Variants in CNTNAP2 observed in about 807,000 individuals in gnomAD.
The protein encoded by CNTNAP2 is contactin-associated protein-like 2.
Under a neutral mutation model 155.2 loss-of-function variants are expected in CNTNAP2, and 98 were observed. The observed-to-expected ratio is 0.63, with a 90% CI of 0.54 to 0.75. The LOEUF (loss-of-function observed/expected upper bound fraction) is 0.75. Ranked by LOEUF, CNTNAP2 falls within the 30% of genes least tolerant of loss-of-function variation. CNTNAP2 has a pLI of 0.00. For synonymous variants in CNTNAP2, 651 were observed against 631.2 expected (o/e 1.03, Z -0.47); for missense variants, 1,727 against 1,688.1 (o/e 1.02, Z -0.40).
intron 21 of CNTNAP2, among the ~76,000 whole-genome samples, chr7:148,331,051 A>C (rs922610321): frequency 6.7e-6 from 1 of 149,040 alleles, no homozygotes; most frequent in South Asian, 2.2e-4. Flanking sequence ...GAATGGACGG[A>C]TGGGATGGAT....
intron 8 of CNTNAP2, among the ~76,000 whole-genome samples, chr7:147,245,530 T>C (rs1349173821): frequency 1.3e-5 from 2 of 152,002 alleles, no homozygotes; most frequent in Admixed American, 6.6e-5. Context: ...GATCTAGATC[T>C]CAAATAAAAT....
intron 1 of CNTNAP2, among the ~76,000 whole-genome samples, chr7:146,149,450 C>T (rs1798004620): frequency 1.3e-5 from 2 of 152,044 alleles, no homozygotes; most frequent in South Asian, 4.1e-4. Context: ...CAGAAAGAAT[C>T]ATTTTCTACC....
intron 3 of CNTNAP2, among the ~76,000 whole-genome samples, chr7:146,974,605 A>T (rs913407825): frequency 1.1e-4 from 17 of 152,190 alleles, no homozygotes; most frequent in Non-Finnish European, 2.5e-4. Flanking sequence ...TCCAAATTGG[A>T]AATTAGTAAT....
intron 3 of CNTNAP2, among the ~76,000 whole-genome samples, chr7:147,028,851 C>A (rs1347952150): frequency 2.0e-5 from 3 of 150,918 alleles, no homozygotes; most frequent in Non-Finnish European, 4.4e-5. Flanking sequence ...GAGAAAGTAG[C>A]GAGAACAGCA....
intron 1 of CNTNAP2, among the ~76,000 whole-genome samples, chr7:146,296,413 C>A (rs1049654368): frequency 1.3e-5 from 2 of 152,106 alleles, no homozygotes; most frequent in African/African-American, 4.8e-5. Flanking sequence ...AATGAAACCC[C>A]TTTCTTTGCT....
At chr7:147,097,036 A>G (rs1800549737) in intron 4 of CNTNAP2, among the ~76,000 whole-genome samples, 1 of 152,232 alleles carries the variant, frequency 6.6e-6, no homozygotes, top group Non-Finnish European at 1.5e-5. Flanking sequence ...AAAATTACAG[A>G]ATTGTTGTAA....
chr7:146,875,969 CAAAA>C (rs796880300), intron 3 of CNTNAP2, among the ~76,000 whole-genome samples: 5 of 82,044 alleles, frequency 6.1e-5, no homozygotes, highest in Non-Finnish European at 1.3e-4. Flanking sequence ...AAACAAAAAA[CAAAA>C]AAACGAGAAG....
At chr7:147,240,616 AGT>A (rs1306699098) in intron 8 of CNTNAP2, among the ~76,000 whole-genome samples, 1 of 151,900 alleles carries the variant, frequency 6.6e-6, no homozygotes, top group Non-Finnish European at 1.5e-5. Context: ...GAGTTCCCTC[AGT>A]GTGTCACCTT....
chr7:147,406,474 A>C (rs770127153), intron 10 of CNTNAP2, among the ~76,000 whole-genome samples: 2 of 152,156 alleles, frequency 1.3e-5, no homozygotes, highest in Non-Finnish European at 2.9e-5. Context: ...TGTTTGATTA[A>C]AAACACATAT....
chr7:146,347,478 T>A (rs1794836975), intron 1 of CNTNAP2, among the ~76,000 whole-genome samples: 1 of 152,180 alleles, frequency 6.6e-6, no homozygotes, highest in Non-Finnish European at 1.5e-5. Context: ...TACTGACTGG[T>A]CATACCCTCC....
At chr7:146,291,285 C>A (rs1800424550) in intron 1 of CNTNAP2, among the ~76,000 whole-genome samples, 1 of 152,032 alleles carries the variant, frequency 6.6e-6, no homozygotes, top group Non-Finnish European at 1.5e-5. Flanking sequence ...ATCTCATGGG[C>A]CAAATTCAGC....
At chr7:148,118,866 C>T (rs769337730) in intron 16 of CNTNAP2, among the ~76,000 whole-genome samples, 19 of 152,142 alleles carry the variant, frequency 1.2e-4, no homozygotes, top group Non-Finnish European at 2.1e-4. Context: ...CAATAAGAGG[C>T]AGAGCAAGAG....
intron 8 of CNTNAP2, among the ~76,000 whole-genome samples, chr7:147,237,296 C>T (rs1054428201): frequency 1.3e-5 from 2 of 152,092 alleles, no homozygotes; most frequent in Non-Finnish European, 2.9e-5. Context: ...TGGTCTGGAA[C>T]TCCTGACCTC....
intron 8 of CNTNAP2, among the ~76,000 whole-genome samples, chr7:147,192,622 GA>G (rs1018923896): frequency 1.6e-4 from 24 of 148,134 alleles, no homozygotes; most frequent in South Asian, 6.4e-4. Context: ...ATCTTAAAGA[GA>G]AAAAAAAAAT....
chr7:146,506,003 G>C (rs1797378986), intron 1 of CNTNAP2, among the ~76,000 whole-genome samples: 1 of 152,144 alleles, frequency 6.6e-6, no homozygotes, highest in Admixed American at 6.5e-5. Context: ...AGTAGTTTGT[G>C]GGTTATATGG....
At chr7:146,203,692 C>A (rs1798902282) in intron 1 of CNTNAP2, among the ~76,000 whole-genome samples, 2 of 152,200 alleles carry the variant, frequency 1.3e-5, no homozygotes, top group Middle Eastern at 3.4e-3. Context: ...AAAGTCCCAA[C>A]CCTCTAATCC....
intron 1 of CNTNAP2, among the ~76,000 whole-genome samples, chr7:146,200,386 C>T (rs533668658): frequency 2.0e-4 from 31 of 151,978 alleles, no homozygotes; most frequent in East Asian, 1.7e-3. Flanking sequence ...CTCAGCTGCT[C>T]GGGAGGCTGA....
rs1192709088 is a variant in CNTNAP2, at chr7:148,181,978, C to T, written c.3010+9500C>T. On this transcript the variant is annotated intron_variant, in intron 18 of 23. Transcript: ENST00000361727. ...TTCACCATGTTGGCCAGGATGGTCT[C>T]GATCTCCTGACCTCGTGATCCGCCC... 3.3e-5 allele frequency among the ~76,000 whole-genome samples: 5 copies of T among 151,192 alleles called. No individual in the cohort carries two copies. In the East Asian group the frequency reaches 7.9e-4, roughly 24 times the overall value.
intron 8 of CNTNAP2, among the ~76,000 whole-genome samples, chr7:147,296,388 A>G (rs968075257): frequency 6.6e-6 from 1 of 152,224 alleles, no homozygotes; most frequent in Non-Finnish European, 1.5e-5. Context: ...AGATGGAACT[A>G]TTTCAGTAAA....
Sources: allele counts gnomAD v4.1 joint callset (sites outside exome capture counted in the v4.1 genomes callset), GRCh38; gene constraint gnomAD v4.1.1; transcripts MANE v1.5; gene names NCBI Gene and HGNC (gene_info 2026-07-23, HGNC 2026-07-21).